Variants in UNC5C observed in about 807,000 individuals in gnomAD.
The protein encoded by UNC5C is netrin receptor UNC5C.
UNC5C carries 47 observed loss-of-function variants against 99.8 expected under a neutral mutation model. The ratio of observed to expected loss-of-function variants is 0.47; its 90% CI spans 0.37 to 0.60. UNC5C has a LOEUF of 0.60. Among genes scored for constraint, UNC5C ranks in the 20% least tolerant of loss-of-function variants. The pLI, the probability that UNC5C is intolerant of heterozygous loss-of-function variation, is 0.00. For synonymous variants in UNC5C, 487 were observed against 452.2 expected (o/e 1.08, Z -0.98); for missense variants, 1,062 against 1,165.9 (o/e 0.91, Z 1.30).
At chr4:95,487,496 C>A (rs1409412890) in intron 1 of UNC5C, among the ~76,000 whole-genome samples, 1 of 139,712 alleles carries the variant, frequency 7.2e-6, no homozygotes, top group Non-Finnish European at 1.5e-5. Context: ...ACTATAAAAT[C>A]ATCAATCAAA....
rs1373615385 is a variant in UNC5C, at chr4:95,167,828, C to T, written c.*1406G>A. On this transcript the variant is annotated 3_prime_UTR_variant, in exon 16 of 16. Transcript: ENST00000453304. ...CAGCTGATGATTTTTAAATGATGAT[C>T]CAGGTCAGAGTCCATTGTGGTCTTC... 6.6e-6 allele frequency: 1 copy of T among 152,136 alleles called. No individual in the cohort carries two copies. The highest frequency in any genetic ancestry group is 1.9e-4 in the East Asian group (1 of 5,196). 9.4% of individuals were successfully genotyped at this position (152,136 alleles called of 1,614,324 possible).
At chr4:95,422,983 T>C (rs965629064) in intron 1 of UNC5C, among the ~76,000 whole-genome samples, 2 of 152,190 alleles carry the variant, frequency 1.3e-5, no homozygotes, top group South Asian at 2.1e-4. Flanking sequence ...TTTAAATTTG[T>C]TGATTTTTGA....
chr4:95,407,959 A>T (rs955770830), intron 1 of UNC5C, among the ~76,000 whole-genome samples: 1 of 152,200 alleles, frequency 6.6e-6, no homozygotes, highest in African/African-American at 2.4e-5. Context: ...AACCAGAAGA[A>T]ATGATTAGAG....
intron 1 of UNC5C, among the ~76,000 whole-genome samples, chr4:95,378,534 T>C (rs1019112067): frequency 1.3e-5 from 2 of 152,164 alleles, no homozygotes; most frequent in Non-Finnish European, 2.9e-5. Flanking sequence ...CTCCACAGAG[T>C]AATAGCTTTT....
chr4:95,378,044 A>C (rs563054502), intron 1 of UNC5C, among the ~76,000 whole-genome samples: 5 of 152,128 alleles, frequency 3.3e-5, no homozygotes, highest in African/African-American at 1.2e-4. Context: ...GGAAGCTCAC[A>C]TTATTTTCTT....
At chr4:95,436,989 T>C (rs1746812689) in intron 1 of UNC5C, among the ~76,000 whole-genome samples, 2 of 112,050 alleles carry the variant, frequency 1.8e-5, no homozygotes. Context: ...CTTGCCTTTT[T>C]CTTTCTTGAA....
intron 1 of UNC5C, among the ~76,000 whole-genome samples, chr4:95,385,388 A>G (rs1560813791): frequency 6.6e-6 from 1 of 152,160 alleles, no homozygotes; most frequent in Non-Finnish European, 1.5e-5. Flanking sequence ...ATTCAAATTC[A>G]TTTTTGTCAT....
chr4:95,190,056 G>T (rs948036666), intron 12 of UNC5C, among the ~76,000 whole-genome samples: 7 of 152,120 alleles, frequency 4.6e-5, no homozygotes, highest in Non-Finnish European at 8.8e-5. Flanking sequence ...GTTTATTGCG[G>T]CACTATTCAC....
intron 1 of UNC5C, among the ~76,000 whole-genome samples, chr4:95,449,229 A>G (rs1251025253): frequency 6.6e-6 from 1 of 152,140 alleles, no homozygotes; most frequent in Non-Finnish European, 1.5e-5. Context: ...CCTCAACTTG[A>G]TGAAGTTTTT....
At chr4:95,349,686 T>C (rs572008132) in intron 1 of UNC5C, among the ~76,000 whole-genome samples, 7 of 152,044 alleles carry the variant, frequency 4.6e-5, no homozygotes, top group Middle Eastern at 3.4e-3. Context: ...AAATCAGTGA[T>C]ACTGACTCTA....
At chr4:95,540,988 G>A (rs1461216073) in intron 1 of UNC5C, among the ~76,000 whole-genome samples, 1 of 152,028 alleles carries the variant, frequency 6.6e-6, no homozygotes, top group Admixed American at 6.6e-5. Context: ...TCTTCAAAGG[G>A]TTTTTAAGGC....
At chr4:95,321,885 T>C (rs940868625) in intron 2 of UNC5C, among the ~76,000 whole-genome samples, 5 of 152,220 alleles carry the variant, frequency 3.3e-5, no homozygotes, top group Non-Finnish European at 5.9e-5. Context: ...TTATCAATTT[T>C]CTATTTTTAT....
At chr4:95,243,834 G>GACAC (rs779538768) in intron 6 of UNC5C, among the ~76,000 whole-genome samples, 1 of 151,420 alleles carries the variant, frequency 6.6e-6, no homozygotes, top group Non-Finnish European at 1.5e-5. Context: ...CCAAAACACT[G>GACAC]ACACACACAC....
intron 1 of UNC5C, among the ~76,000 whole-genome samples, chr4:95,426,997 G>T (rs1367886013): frequency 1.3e-5 from 2 of 152,160 alleles, no homozygotes; most frequent in African/African-American, 2.4e-5. Context: ...AGACAAAACC[G>T]CCATATATTG....
chr4:95,194,788 AT>A (rs1737309965), intron 12 of UNC5C, among the ~76,000 whole-genome samples: 1 of 152,178 alleles, frequency 6.6e-6, no homozygotes, highest in African/African-American at 2.4e-5. Context: ...GGTTTTGAAT[AT>A]TAACCTGTAA....
intron 1 of UNC5C, among the ~76,000 whole-genome samples, chr4:95,406,930 A>C (rs894674831): frequency 2.0e-5 from 3 of 152,230 alleles, no homozygotes; most frequent in Non-Finnish European, 4.4e-5. Flanking sequence ...AAAATAATTC[A>C]GTGGTTATAG....
At chr4:95,467,084 C>T (rs1747805261) in intron 1 of UNC5C, among the ~76,000 whole-genome samples, 1 of 152,176 alleles carries the variant, frequency 6.6e-6, no homozygotes, top group Non-Finnish European at 1.5e-5. Flanking sequence ...ACTGACACAA[C>T]TTGGGAGCAG....
At chr4:95,188,539 T>TA (rs1477803994) in intron 12 of UNC5C, among the ~76,000 whole-genome samples, 6 of 152,218 alleles carry the variant, frequency 3.9e-5, no homozygotes, top group Non-Finnish European at 8.8e-5. Flanking sequence ...TGTCTTGTGT[T>TA]ACCATTTTAA....
chr4:95,185,290 A>G, intron 12 of UNC5C, 94 bp from the exon 13 acceptor site: 1 of 1,452,098 alleles, frequency 6.9e-7, no homozygotes, highest in South Asian at 1.4e-5. Flanking sequence ...TGCCTCCTGA[A>G]TGGCAGGCGG....
Sources: allele counts gnomAD v4.1 joint callset (sites outside exome capture counted in the v4.1 genomes callset), GRCh38; gene constraint gnomAD v4.1.1; transcripts MANE v1.5; gene names NCBI Gene and HGNC (gene_info 2026-07-23, HGNC 2026-07-21).